Variants in FGF10 observed in about 807,000 individuals in gnomAD.
FGF10 encodes FGF-10.
A neutral mutation model predicts 19.8 loss-of-function variants in FGF10; 2 were observed. That is an observed-to-expected ratio of 0.10 (90% CI 0.04 to 0.32). The LOEUF is 0.32. Among genes scored for constraint, FGF10 ranks in the 10% least tolerant of loss-of-function variants. The pLI, the probability that FGF10 is intolerant of heterozygous loss-of-function variation, is 1.00. For synonymous variants in FGF10, 112 were observed against 94.0 expected (o/e 1.19, Z -1.10); for missense variants, 191 against 246.3 (o/e 0.78, Z 1.50).
intron 1 of FGF10, among the ~76,000 whole-genome samples, chr5:44,319,065 G>C (rs1213587154): frequency 2.0e-5 from 3 of 152,096 alleles, no homozygotes; most frequent in African/African-American, 7.2e-5. Flanking sequence ...AGGTTACTTA[G>C]AGCCTTAAGT....
Position 44,302,282 on chromosome 5 carries a change from GC to G in FGF10, c.*2712del, listed in dbSNP as rs1739981417. Among the ~76,000 whole-genome samples the G allele has an allele frequency of 3.3e-5, 4 of 122,108 alleles. No homozygotes were observed. The highest frequency in any genetic ancestry group is 6.7e-5 in the Non-Finnish European group (4 of 59,320). 80.1% of individuals were successfully genotyped at this position (122,108 alleles called of 152,430 possible). On this transcript the variant is annotated 3_prime_UTR_variant, in exon 3 of 3. Coordinates refer to ENST00000264664, the MANE Select transcript of FGF10 (RefSeq NM_004465.2). ...TCTTTCCTTCCTTCCTTCTTTCCTT[GC>G]TTCCTTCCTTCCTTCCTTCCTTCCT...
At chr5:44,342,622 C>T (rs187875101) in intron 1 of FGF10, among the ~76,000 whole-genome samples, 1 of 151,708 alleles carries the variant, frequency 6.6e-6, no homozygotes, top group African/African-American at 2.4e-5. Flanking sequence ...GACAGAGTAC[C>T]CTTACATAAA....
chr5:44,315,159 G>T, intron 1 of FGF10, among the ~76,000 whole-genome samples: 1 of 113,198 alleles, frequency 8.8e-6, no homozygotes, highest in East Asian at 2.5e-4. Context: ...ATAAAATAAA[G>T]ACCCAAATAA....
intron 1 of FGF10, among the ~76,000 whole-genome samples, chr5:44,341,314 T>C (rs781133088): frequency 1.3e-4 from 19 of 151,952 alleles, no homozygotes; most frequent in Non-Finnish European, 2.5e-4. Flanking sequence ...AAATTTCACT[T>C]GTAGGGAATA....
At chr5:44,354,468 T>C (rs1434151324) in intron 1 of FGF10, among the ~76,000 whole-genome samples, 2 of 151,560 alleles carry the variant, frequency 1.3e-5, no homozygotes, top group African/African-American at 2.4e-5. Flanking sequence ...TGTGGGCTTT[T>C]TTAGGTCAAA....
At chr5:44,384,268 T>C (rs1374346798) in intron 1 of FGF10, among the ~76,000 whole-genome samples, 1 of 152,154 alleles carries the variant, frequency 6.6e-6, no homozygotes, top group African/African-American at 2.4e-5. Flanking sequence ...TAATGACCTC[T>C]GTTAACATGA....
At chr5:44,321,036 C>T (rs1161291167) in intron 1 of FGF10, among the ~76,000 whole-genome samples, 3 of 152,078 alleles carry the variant, frequency 2.0e-5, no homozygotes, top group Admixed American at 6.6e-5. Context: ...AGAACAGAAG[C>T]AAACATTGAA....
At chr5:44,318,397 GA>G (rs761457663) in intron 1 of FGF10, among the ~76,000 whole-genome samples, 6 of 152,188 alleles carry the variant, frequency 3.9e-5, no homozygotes, top group Non-Finnish European at 5.9e-5. Context: ...TCCTTTAGTA[GA>G]TAACTCAACC....
intron 2 of FGF10, among the ~76,000 whole-genome samples, chr5:44,306,427 A>G (rs1278682160): frequency 6.6e-6 from 1 of 152,134 alleles, no homozygotes; most frequent in Non-Finnish European, 1.5e-5. Context: ...CAAACAGAAA[A>G]AGAGAAGTAG....
chr5:44,342,863 T>C (rs1740999919), intron 1 of FGF10, among the ~76,000 whole-genome samples: 2 of 152,118 alleles, frequency 1.3e-5, no homozygotes, highest in South Asian at 4.1e-4. Flanking sequence ...AGTGAGTCTC[T>C]AGATTTTATT....
At position 44,305,028 on chromosome 5, in the gene FGF10, A is replaced by G. The variant is rs766432735; in HGVS notation, c.594T>C (p.Ser198=). Residue 198 remains serine, a synonymous_variant, in exon 3 of 3, where the codon TCT becomes TCC. Transcript: ENST00000264664. ...GTACCACCATTGGAAGAAAGTGAGC[A>G]GAGGTGTTTTTCCTTCGTGTTTTCT... The part of the protein sequence containing the change: ...RGQKTRRKNT[S]AHFLPMVVHS 2.5e-6 allele frequency: 4 copies of G among 1,613,984 alleles called. No individual in the cohort carries two copies. Among genetic ancestry groups the G allele is most frequent in the East Asian group, 4.5e-5 (2 of 44,860 alleles).
At chr5:44,326,961 T>C (rs1740628592) in intron 1 of FGF10, among the ~76,000 whole-genome samples, 1 of 152,224 alleles carries the variant, frequency 6.6e-6, no homozygotes, top group South Asian at 2.1e-4. Context: ...GCTGTTCCTC[T>C]GTTGGCAGGT....
Position 44,379,202 on chromosome 5 carries a change from T to C in FGF10, c.325+9156A>G, listed in dbSNP as rs114880502. Among the ~76,000 whole-genome samples, 332 of 152,356 alleles carry C rather than the reference T, an allele frequency of 2.2e-3. 2 individuals are homozygous for C. The highest frequency in any genetic ancestry group is 7.8e-3 in the African/African-American group (324 of 41,586). On this transcript the variant is annotated intron_variant, in intron 1 of 2. Transcript: ENST00000264664. ...CATTGATAACACTCACTTCAATTTT[T>C]CATCATATCACCTCTTGGTTAACGT...
At chr5:44,388,277 C>A in intron 1 of FGF10, 81 bp downstream of exon 1, 1 of 1,313,432 alleles carries the variant, frequency 7.6e-7, no homozygotes, top group Non-Finnish European at 1.1e-6. Context: ...TTTAGCTGGC[C>A]ACATCTGGAA....
chr5:44,377,093 T>C (rs1741884275), intron 1 of FGF10, among the ~76,000 whole-genome samples: 1 of 152,194 alleles, frequency 6.6e-6, no homozygotes, highest in Non-Finnish European at 1.5e-5. Context: ...AAACTTCATG[T>C]TTGACTCTGC....
intron 1 of FGF10, among the ~76,000 whole-genome samples, chr5:44,359,194 G>T (rs1741419817): frequency 6.6e-6 from 1 of 151,426 alleles, no homozygotes; most frequent in Non-Finnish European, 1.5e-5. Context: ...TAATTTATGT[G>T]CCAGTAAAGT....
At chr5:44,384,361 A>C (rs1742052221) in intron 1 of FGF10, among the ~76,000 whole-genome samples, 1 of 152,152 alleles carries the variant, frequency 6.6e-6, no homozygotes, top group African/African-American at 2.4e-5. Context: ...TACCTAGAGA[A>C]TACACTAACC....
At chr5:44,374,858 G>A (rs1451772387) in intron 1 of FGF10, among the ~76,000 whole-genome samples, 2 of 147,532 alleles carry the variant, frequency 1.4e-5, no homozygotes, top group African/African-American at 5.0e-5. Flanking sequence ...AGAGAAACAT[G>A]AAAAATGATT....
chr5:44,385,224 C>G (rs10512851), intron 1 of FGF10, among the ~76,000 whole-genome samples: 2,067 of 152,252 alleles, frequency 0.014, 85 homozygotes, highest in East Asian at 0.12. Flanking sequence ...ATTCTACTCT[C>G]ATATCATGGC....
Sources: gnomAD v4.1 joint callset for allele counts (sites outside exome capture counted in the v4.1 genomes callset) on GRCh38, gnomAD v4.1.1 for gene constraint, MANE v1.5 for transcripts, NCBI Gene and HGNC (gene_info 2026-07-23, HGNC 2026-07-21) for gene names.